The following TRIM24 variants were observed in gnomAD, a reference collection of about 807,000 sequenced individuals.
The protein encoded by TRIM24 is transcription intermediary factor 1-alpha.
In TRIM24, 29 loss-of-function variants were observed where a neutral mutation model predicts 123.9. That is an observed-to-expected ratio of 0.23 (90% CI 0.17 to 0.32). TRIM24 has a LOEUF of 0.32. Among genes scored for constraint, TRIM24 ranks in the 10% least tolerant of loss-of-function variants. The pLI is 1.00. For synonymous variants in TRIM24, 456 were observed against 461.1 expected, an observed-to-expected ratio of 0.99 and a Z score of 0.14; for missense variants, 932 against 1,295.3, an observed-to-expected ratio of 0.72 and a Z score of 4.31.
In TRIM24 at chr7:138,585,735, C is replaced by A; in HGVS notation, c.*784C>A. The A allele has an allele frequency of 2.0e-6, 1 of 504,080 alleles. No homozygotes were observed. Among genetic ancestry groups the A allele is most frequent in the East Asian group, 5.0e-5 (1 of 19,876 alleles). 31.2% of individuals were successfully genotyped at this position (504,080 alleles called of 1,614,324 possible). A position where few individuals can be genotyped will look rare whatever the true frequency, so the allele number is the denominator to read the frequency against. ...ATATACATTTGGGTTTGCTGTGTGTCTATGTGAGGTTTAATTGTACAGGTG... is the reference window on the plus strand; with the variant it reads ...ATATACATTTGGGTTTGCTGTGTGTATATGTGAGGTTTAATTGTACAGGTG... On this transcript the variant is annotated 3_prime_UTR_variant, in exon 19 of 19. Coordinates refer to ENST00000343526, the MANE Select transcript of TRIM24 (RefSeq NM_015905.3).
intron 1 of TRIM24, among the ~76,000 whole-genome samples, chr7:138,463,989 CTTTTT>C (rs568562414): frequency 3.9e-4 from 20 of 50,756 alleles, no homozygotes; most frequent in South Asian, 1.5e-3. Flanking sequence ...AAAATTTAGA[CTTTTT>C]TTTTTTTTTT....
chr7:138,516,808 G>GTTTTTTTTTTTTTTTTT (rs1224612357), intron 3 of TRIM24, among the ~76,000 whole-genome samples: 1 of 131,874 alleles, frequency 7.6e-6, no homozygotes, highest in African/African-American at 2.9e-5. Flanking sequence ...TAGCAAAACC[G>GTTTTTTTTTTTTTTTTT]TTTTGTTTTT....
chr7:138,562,366 C>G (rs1423857341), intron 9 of TRIM24, among the ~76,000 whole-genome samples: 4 of 152,106 alleles, frequency 2.6e-5, no homozygotes, highest in Admixed American at 1.3e-4. Context: ...GCAAGTAAAC[C>G]AGGCAGCACT....
chr7:138,508,728 T>TGTGTGTGC (rs1796221426), intron 2 of TRIM24, among the ~76,000 whole-genome samples: 2 of 136,404 alleles, frequency 1.5e-5, no homozygotes, highest in African/African-American at 5.3e-5. Context: ...TGCGTGTGTG[T>TGTGTGTGC]GTGTGTGTGT....
chr7:138,569,110 C>T (rs948478032), intron 10 of TRIM24, among the ~76,000 whole-genome samples: 3 of 152,152 alleles, frequency 2.0e-5, no homozygotes, highest in Non-Finnish European at 2.9e-5. Flanking sequence ...AATTTTGTGG[C>T]ACTTACGTAG....
At chr7:138,512,268 T>G (rs1244000507) in intron 2 of TRIM24, among the ~76,000 whole-genome samples, 2 of 152,098 alleles carry the variant, frequency 1.3e-5, no homozygotes, top group Non-Finnish European at 2.9e-5. Context: ...TTTTCCAGAC[T>G]AAAGGTGCAA....
chr7:138,504,456 T>G (rs765628160), intron 2 of TRIM24, 48 bp downstream of exon 2: 60,713 of 1,075,916 alleles, frequency 0.056, 2,865 homozygotes, highest in Middle Eastern at 0.063. Flanking sequence ...TCTTTTTTTT[T>G]TTTTTTTTTT....
intron 11 of TRIM24, among the ~76,000 whole-genome samples, chr7:138,571,883 C>A (rs922451535): frequency 6.6e-6 from 1 of 151,918 alleles, no homozygotes; most frequent in African/African-American, 2.4e-5. Flanking sequence ...TATGACTATT[C>A]CAAAGGCAGA....
intron 1 of TRIM24, chr7:138,461,160 C>T (rs760498982): frequency 4.3e-5 from 30 of 702,178 alleles, no homozygotes; most frequent in Non-Finnish European, 7.1e-5. Flanking sequence ...CGCTGCTCCG[C>T]ATTCTCAACA....
Position 138,525,264 on chromosome 7 carries a change from TTCAGAA to T in TRIM24, c.795_800del (p.Asn265_Gln266del), listed in dbSNP as rs1796584870. The T allele has an allele frequency of 6.7e-7, 1 of 1,498,266 alleles. No individual in the cohort carries two copies. Among genetic ancestry groups the T allele is most frequent in the African/African-American group, 1.5e-5 (1 of 68,940 alleles). 92.8% of individuals were successfully genotyped at this position (1,498,266 alleles called of 1,614,324 possible). ...AGATACCAATTTATAGAAGAAGCTT[TTCAGAA>T]TCAGAAAGTGATCATAGATACACTA... On this transcript the variant is annotated inframe_deletion, in exon 5 of 19. Coordinates refer to ENST00000343526, the MANE Select transcript of TRIM24 (RefSeq NM_015905.3).
chr7:138,470,726 C>G (rs1795255699), intron 1 of TRIM24, among the ~76,000 whole-genome samples: 1 of 152,090 alleles, frequency 6.6e-6, no homozygotes, highest in Admixed American at 6.5e-5. Flanking sequence ...GTAACTTCAC[C>G]AGTGTTGTAT....
At chr7:138,529,055 C>A in intron 5 of TRIM24, 61 bp from the exon 6 acceptor site, 2 of 1,018,234 alleles carry the variant, frequency 2.0e-6, no homozygotes, top group Non-Finnish European at 2.8e-6. Flanking sequence ...GACATTAAAA[C>A]GTCAATTTTA....
chr7:138,568,757 C>G (rs1395461693), intron 10 of TRIM24, among the ~76,000 whole-genome samples: 1 of 120,910 alleles, frequency 8.3e-6, no homozygotes, highest in Non-Finnish European at 1.8e-5. Context: ...AAAGTTATCA[C>G]AGTGTTTTTT....
intron 9 of TRIM24, among the ~76,000 whole-genome samples, chr7:138,566,005 G>A (rs753326556): frequency 1.8e-4 from 27 of 152,288 alleles, no homozygotes; most frequent in Non-Finnish European, 3.2e-4. Flanking sequence ...GGGGTGTTGG[G>A]AGAGTCTCTG....
intron 7 of TRIM24, chr7:138,545,384 A>C: frequency 2.2e-6 from 1 of 456,472 alleles, no homozygotes; most frequent in Admixed American, 2.3e-5. Flanking sequence ...AGCCAGTGTC[A>C]TTTGGATTTT....
rs116330218 is a variant in TRIM24 at position 138,529,033 on chromosome 7, T to C, written c.882-83T>C. 500 of 693,088 alleles carry C rather than the reference T, an allele frequency of 7.2e-4. 6 individuals carry two copies. The African/African-American group carries it at 8.5e-3, about 12-fold the overall frequency. 42.9% of individuals were successfully genotyped at this position (693,088 alleles called of 1,614,324 possible). Reference sequence around the variant, plus strand: ...GAGCTTCTAAGGGCTGAAAACATTTTGGTCTAATTTAGACATTAAAACGTC... The same window carrying C: ...GAGCTTCTAAGGGCTGAAAACATTTCGGTCTAATTTAGACATTAAAACGTC... On this transcript the variant is annotated intron_variant, in intron 5 of 18. Coordinates refer to ENST00000343526, the MANE Select transcript of TRIM24 (RefSeq NM_015905.3).
chr7:138,485,555 C>G (rs535034111), intron 1 of TRIM24, among the ~76,000 whole-genome samples: 1 of 152,184 alleles, frequency 6.6e-6, no homozygotes, highest in South Asian at 2.1e-4. Context: ...GCCCTGTGTC[C>G]AAGTGTTCTC....
chr7:138,502,117 C>T (rs1157954714), intron 1 of TRIM24, among the ~76,000 whole-genome samples: 1 of 152,090 alleles, frequency 6.6e-6, no homozygotes, highest in Non-Finnish European at 1.5e-5. Flanking sequence ...TATTTGTAGC[C>T]TTAGAGGTCA....
chr7:138,473,384 G>A (rs550961935), intron 1 of TRIM24, among the ~76,000 whole-genome samples: 1 of 152,344 alleles, frequency 6.6e-6, no homozygotes, highest in South Asian at 2.1e-4. Flanking sequence ...TTGGGCAACA[G>A]TGATTTGTCT....
Sources: gnomAD v4.1 joint callset for allele counts (sites outside exome capture counted in the v4.1 genomes callset) on GRCh38, gnomAD v4.1.1 for gene constraint, MANE v1.5 for transcripts, NCBI Gene and HGNC (gene_info 2026-07-23, HGNC 2026-07-21) for gene names.